The following LCOR variants were observed in gnomAD, a reference collection of about 807,000 sequenced individuals.
LCOR encodes the protein ligand dependent nuclear receptor corepressor.
In LCOR, 14 loss-of-function variants were observed where a neutral mutation model predicts 64.4. The observed-to-expected ratio is 0.22, with a 90% CI of 0.14 to 0.34. The LOEUF (loss-of-function observed/expected upper bound fraction) is 0.34, where lower values mean the gene tolerates loss of function less well. Among genes scored for constraint, LCOR ranks in the 10% least tolerant of loss-of-function variants. The pLI is 1.00. For synonymous variants in LCOR, 643 were observed against 642.5 expected, an observed-to-expected ratio of 1.00 and a Z score of -0.01; for missense variants, 1,686 against 1,765.3, an observed-to-expected ratio of 0.96 and a Z score of 0.80.
chr10:96,923,534 ATG>A (rs1847116581), intron 4 of LCOR, among the ~76,000 whole-genome samples: 1 of 152,186 alleles, frequency 6.6e-6, no homozygotes, highest in Non-Finnish European at 1.5e-5. Context: ...AAGTAACACT[ATG>A]TAAGTAAGCA....
chr10:96,919,533 A>C (rs1027885501), intron 4 of LCOR, among the ~76,000 whole-genome samples: 2 of 151,974 alleles, frequency 1.3e-5, no homozygotes, highest in African/African-American at 2.4e-5. Context: ...AACATTTACT[A>C]TCTTAACCAT....
chr10:96,888,849 C>T (rs1376148222), intron 2 of LCOR, among the ~76,000 whole-genome samples: 1 of 152,176 alleles, frequency 6.6e-6, no homozygotes, highest in Non-Finnish European at 1.5e-5. Flanking sequence ...CTGGCAGCCT[C>T]TGATCCATTC....
chr10:96,884,003 A>G (rs1466279788), intron 2 of LCOR, among the ~76,000 whole-genome samples: 2 of 152,100 alleles, frequency 1.3e-5, no homozygotes, highest in South Asian at 2.1e-4. Flanking sequence ...TACATATACC[A>G]TATAACATAT....
chr10:96,952,337 T>C, intron 7 of LCOR, 141 bp downstream of exon 7: 1 of 596,484 alleles, frequency 1.7e-6, no homozygotes, highest in Admixed American at 3.3e-5. Context: ...CAAATAAAAA[T>C]ATAATCTGTG....
intron 2 of LCOR, among the ~76,000 whole-genome samples, chr10:96,859,480 A>G (rs1412747833): frequency 1.3e-5 from 2 of 151,880 alleles, no homozygotes. Context: ...CCAAAGTGCT[A>G]GGATTATAGG....
At position 96,915,911 on chromosome 10, in the gene LCOR, C is replaced by T. The variant is rs76461465; in HGVS notation, c.-184+8164C>T. 8.9e-3 allele frequency: 3,617 copies of T among 404,354 alleles called. 28 individuals carry two copies. The highest frequency in any genetic ancestry group is 0.013 in the Non-Finnish European group (2,711 of 211,198). The allele number at this position is 404,354 out of a possible 1,614,324, so 25.0% of individuals were successfully genotyped here. A position where few individuals can be genotyped will look rare whatever the true frequency, so the allele number is the denominator to read the frequency against. The stretch of plus-strand genomic sequence containing the variant: ...AGCCTTTCTCTAGGCATATTGGCAG[C>T]GACGGCGGCAGGATGTAGGTGCTAG... On this transcript the variant is annotated intron_variant, in intron 4 of 7. Coordinates refer to ENST00000421806, the MANE Select transcript of LCOR (RefSeq NM_001346516.2).
chr10:96,851,320 T>C (rs1419553889), intron 2 of LCOR, among the ~76,000 whole-genome samples: 1 of 152,222 alleles, frequency 6.6e-6, no homozygotes, highest in African/African-American at 2.4e-5. Context: ...CAGGGTATCC[T>C]TAGATGAATG....
intron 2 of LCOR, among the ~76,000 whole-genome samples, chr10:96,870,389 CAAAA>C (rs774100137): frequency 5.3e-5 from 8 of 151,996 alleles, no homozygotes; most frequent in Non-Finnish European, 8.8e-5. Flanking sequence ...CCATAATAAA[CAAAA>C]AAACACTAAA....
Position 96,834,634 on chromosome 10 carries a change from G to T in LCOR, c.-330+1155G>T, listed in dbSNP as rs527443084. ...TTGTTTTGAAGAATTTTTAGTTCTTGTATGTTTTACATTTGTTAGTGATTG... is the reference window on the plus strand; with the variant it reads ...TTGTTTTGAAGAATTTTTAGTTCTTTTATGTTTTACATTTGTTAGTGATTG... On this transcript the variant is annotated intron_variant, in intron 2 of 7. Transcript: ENST00000421806. Among the ~76,000 whole-genome samples, 19 of 152,200 alleles carry T rather than the reference G, an allele frequency of 1.2e-4. No individual in the cohort carries two copies. The South Asian group carries it at 3.9e-3, about 32-fold the overall frequency.
At position 96,952,175 on chromosome 10, in the gene LCOR, G is replaced by A; in HGVS notation, c.311G>A (p.Cys104Tyr). 1 of 1,613,586 alleles carries A rather than the reference G, an allele frequency of 6.2e-7. No homozygotes were observed. Among genetic ancestry groups the A allele is most frequent in the Non-Finnish European group, 8.5e-7 (1 of 1,179,532 alleles). Residue 104 changes from cysteine (C) to tyrosine (Y), a missense_variant, in exon 7 of 8, where the codon TGC (cysteine) becomes TAC (tyrosine). By Grantham distance (194) the Cys-to-Tyr change is radical. Coordinates refer to ENST00000421806, the MANE Select transcript of LCOR (RefSeq NM_001346516.2). Reference sequence around the variant, plus strand: ...ACTTCCCTGAGCCACTCTCCAGGCTGCTCCAGTACTCAAGGGAACGGGTAA... The same window carrying A: ...ACTTCCCTGAGCCACTCTCCAGGCTACTCCAGTACTCAAGGGAACGGGTAA... The part of the protein sequence containing the change: ...GSTSLSHSPG[C>Y]SSTQGNGENS...
intron 2 of LCOR, among the ~76,000 whole-genome samples, chr10:96,845,448 C>CA (rs1491407295): frequency 1.5e-5 from 1 of 67,150 alleles, no homozygotes; most frequent in Non-Finnish European, 2.9e-5. Flanking sequence ...ATGGGCTTAT[C>CA]CTTTTTTTTT....
chr10:96,913,460 C>G (rs1003933395), intron 4 of LCOR, among the ~76,000 whole-genome samples: 8 of 152,068 alleles, frequency 5.3e-5, no homozygotes, highest in African/African-American at 1.9e-4. Flanking sequence ...TTGTGTATGG[C>G]TGGGATAGAG....
chr10:96,932,785 A>G (rs1358796186), intron 4 of LCOR, among the ~76,000 whole-genome samples: 1 of 152,338 alleles, frequency 6.6e-6, no homozygotes, highest in East Asian at 1.9e-4. Context: ...TATACCAATG[A>G]AATCTGATGT....
At chr10:96,856,253 A>G (rs1001125744) in intron 2 of LCOR, among the ~76,000 whole-genome samples, 2 of 152,126 alleles carry the variant, frequency 1.3e-5, no homozygotes, top group East Asian at 3.9e-4. Context: ...TTGTATTTTT[A>G]GTAGAGACAG....
chr10:96,958,415 A>G, intron 7 of LCOR: 1 of 1,468,618 alleles, frequency 6.8e-7, no homozygotes. Context: ...GTTTCAGTGG[A>G]TGACAATCGA....
chr10:96,973,873 T>A (rs1848017545), intron 7 of LCOR, among the ~76,000 whole-genome samples: 1 of 152,220 alleles, frequency 6.6e-6, no homozygotes, highest in Admixed American at 6.5e-5. Flanking sequence ...CCTAAATTCA[T>A]CACTCCTAAA....
At chr10:96,873,004 T>G (rs1846098147) in intron 2 of LCOR, among the ~76,000 whole-genome samples, 1 of 152,202 alleles carries the variant, frequency 6.6e-6, no homozygotes, top group Admixed American at 6.5e-5. Flanking sequence ...CTGCCATTAT[T>G]AACACTGTAG....
intron 4 of LCOR, among the ~76,000 whole-genome samples, chr10:96,922,830 G>A (rs1847103436): frequency 6.6e-6 from 1 of 152,118 alleles, no homozygotes; most frequent in Non-Finnish European, 1.5e-5. Flanking sequence ...TAATTTCTAT[G>A]AGCAGTAATA....
At chr10:96,863,757 C>A (rs935258339) in intron 2 of LCOR, among the ~76,000 whole-genome samples, 6 of 152,094 alleles carry the variant, frequency 3.9e-5, no homozygotes, top group African/African-American at 1.4e-4. Flanking sequence ...TTACCTTAGG[C>A]GTTTGCTAAA....
Sources: gnomAD v4.1 joint callset for allele counts (sites outside exome capture counted in the v4.1 genomes callset) on GRCh38, gnomAD v4.1.1 for gene constraint, MANE v1.5 for transcripts, NCBI Gene and HGNC (gene_info 2026-07-23, HGNC 2026-07-21) for gene names.